The following BMX variants were observed in gnomAD, a reference collection of about 807,000 sequenced individuals.
BMX encodes the protein BMX non-receptor tyrosine kinase.
A neutral mutation model predicts 59.2 loss-of-function variants in BMX; 31 were observed. The observed-to-expected ratio is 0.52, with a 90% CI of 0.39 to 0.71. The LOEUF is 0.71. Among genes scored for constraint, BMX ranks in the 30% least tolerant of loss-of-function variants. The probability of loss-of-function intolerance (pLI) is 0.00; values close to 1 mark genes in which losing one functional copy is unlikely to be tolerated. For synonymous variants in BMX, 185 were observed against 181.0 expected, an observed-to-expected ratio of 1.02 and a Z score of -0.18; for missense variants, 474 against 491.7, an observed-to-expected ratio of 0.96 and a Z score of 0.34.
rs758676757 is a variant in BMX, at chrX:15,546,857, G to A, written c.1731G>A (p.Lys577=). 3.3e-6 allele frequency: 4 copies of A among 1,211,253 alleles called. No homozygotes were observed. The change falls in exon 17 of 19, where the codon AAG becomes AAA. Residue 577 remains lysine, a synonymous_variant. Transcript: ENST00000348343. The part of the protein sequence containing the change: ...VSSVGTKFPV[K]WSAPEVFHYF... ...CAGTCGGAACAAAGTTTCCAGTCAA[G>A]TGGTCAGCTCCAGAGGTGTTTCATT...
At chrX:15,501,407 G>A (rs1243563922) in intron 1 of BMX, among the ~76,000 whole-genome samples, 1 of 112,195 alleles carries the variant, frequency 8.9e-6, no homozygotes, top group African/African-American at 3.2e-5. Context: ...TTGCTCTTAG[G>A]TTCCTGAGGT....
intron 16 of BMX, among the ~76,000 whole-genome samples, chrX:15,546,311 A>G (rs1925942373): frequency 8.9e-6 from 1 of 111,944 alleles, no homozygotes; most frequent in South Asian, 3.7e-4. Context: ...CTTCCATAAG[A>G]AGAAATAATA....
At chrX:15,541,685 A>C (rs1182226022) in intron 14 of BMX, among the ~76,000 whole-genome samples, 1 of 111,622 alleles carries the variant, frequency 9.0e-6, no homozygotes, top group African/African-American at 3.3e-5. Context: ...CAGGGTTTCC[A>C]GTGCAACAGA....
intron 6 of BMX, among the ~76,000 whole-genome samples, chrX:15,519,922 C>T (rs868248795): frequency 2.7e-5 from 3 of 111,846 alleles, no homozygotes; most frequent in Middle Eastern, 4.6e-3. Context: ...ATGAGGGATT[C>T]GCCCCTATGA....
chrX:15,503,915 T>C (rs1193392844), intron 1 of BMX, among the ~76,000 whole-genome samples: 3 of 111,723 alleles, frequency 2.7e-5, no homozygotes, highest in African/African-American at 9.8e-5. Context: ...GCTGGGAGTA[T>C]CACAAAATAT....
intron 18 of BMX, among the ~76,000 whole-genome samples, chrX:15,552,239 T>C (rs1398259950): frequency 8.9e-5 from 10 of 112,243 alleles, no homozygotes; most frequent in Non-Finnish European, 1.9e-5. Flanking sequence ...TCTGTAAAAA[T>C]TTAAAGTAAG....
chrX:15,542,243 G>A (rs1483696005), intron 15 of BMX, 45 bp downstream of exon 15: 3 of 1,149,424 alleles, frequency 2.6e-6, no homozygotes, highest in Non-Finnish European at 3.6e-6. Context: ...AGCAGTCCAC[G>A]GCTCCCACTT....
chrX:15,528,718 C>T (rs1924920365), intron 9 of BMX, among the ~76,000 whole-genome samples: 1 of 111,724 alleles, frequency 9.0e-6, no homozygotes, highest in South Asian at 3.7e-4. Context: ...TCATTGAATA[C>T]TGAAATATTA....
intron 14 of BMX, 75 bp from the exon 15 acceptor site, chrX:15,541,907 T>C: frequency 1.0e-6 from 1 of 957,749 alleles, no homozygotes; most frequent in South Asian, 2.1e-5. Context: ...AACAGAAATC[T>C]GAGAGCAACT....
rs370195153 is a variant in BMX at position 15,531,445 on chromosome X, C to T, written c.1019+38C>T. ...CGGATTAATTTCTTTTCTCTTTCTG[C>T]GTATATTCTTTGAATATGCTGGTCA... On this transcript the variant is annotated intron_variant, in intron 11 of 18. Transcript: ENST00000348343. The T allele has an allele frequency of 8.5e-6, 9 of 1,059,064 alleles. No homozygotes were observed. The African/African-American group carries it at 9.3e-5, about 11-fold the overall frequency. 87.3% of individuals were successfully genotyped at this position (1,059,064 alleles called of 1,213,427 possible).
chrX:15,509,309 C>A lies in BMX; in HGVS notation c.139-20C>A, dbSNP rs1302194491. 2 of 1,160,645 alleles carry A rather than the reference C, an allele frequency of 1.7e-6. No homozygotes were observed. ...ATGATGTATTGCAGGAAGTATCTTACATTTTGTTTTTTAATTCAGAAAAGG... is the reference window on the plus strand; with the variant it reads ...ATGATGTATTGCAGGAAGTATCTTAAATTTTGTTTTTTAATTCAGAAAAGG... On this transcript the variant is annotated intron_variant, in intron 2 of 18. Transcript: ENST00000348343.
chrX:15,537,192 G>A lies in BMX; in HGVS notation c.1281G>A (p.Gln427=). 1.7e-6 allele frequency: 2 copies of A among 1,210,855 alleles called. No individual in the cohort carries two copies. The highest frequency in any genetic ancestry group is 2.2e-6 in the Non-Finnish European group (2 of 895,159). Residue 427 remains glutamine (Q), a synonymous_variant, in exon 14 of 19, where the codon CAG becomes CAA. Transcript: ENST00000348343. ...ITLLKELGSG[Q]FGVVQLGKWK... is the part of the protein sequence containing the mutation. ...TGTTGAAGGAGCTGGGAAGTGGCCA[G>A]TTTGGAGTGGTCCAGCTGGGCAAGT...
chrX:15,521,020 C>T (rs921767557), intron 6 of BMX, among the ~76,000 whole-genome samples: 6 of 106,451 alleles, frequency 5.6e-5, no homozygotes, highest in East Asian at 2.8e-4. Context: ...CTGTCACACA[C>T]GCACACACAG....
In BMX at chrX:15,511,427, T is replaced by C; in HGVS notation, c.244-10T>C. 1 of 1,186,905 alleles carries C rather than the reference T, an allele frequency of 8.4e-7. No homozygotes were observed. Among genetic ancestry groups the C allele is most frequent in the African/African-American group, 1.8e-5 (1 of 56,899 alleles). ...TTATATATAAACACACCAAATATTT[T>C]CCTTTCCAGATTGTCTATAAAGATG... On this transcript the variant is annotated splice_polypyrimidine_tract_variant and intron_variant, in intron 3 of 18. Coordinates refer to ENST00000348343, the MANE Select transcript of BMX (RefSeq NM_203281.3).
intron 4 of BMX, among the ~76,000 whole-genome samples, chrX:15,515,263 C>T (rs904039434): frequency 1.8e-5 from 2 of 109,438 alleles, no homozygotes; most frequent in African/African-American, 6.7e-5. Context: ...GCACATGTAT[C>T]CCTATGTAAC....
intron 18 of BMX, 121 bp downstream of exon 18, chrX:15,550,118 G>A (rs1926122431): frequency 2.3e-6 from 2 of 857,832 alleles, no homozygotes; most frequent in African/African-American, 2.0e-5. Context: ...GGAGAGAATG[G>A]TCCTCAGCCC....
intron 14 of BMX, among the ~76,000 whole-genome samples, chrX:15,537,736 G>T (rs996526202): frequency 9.0e-6 from 1 of 111,098 alleles, no homozygotes; most frequent in Admixed American, 9.5e-5. Flanking sequence ...AATGATCTTG[G>T]CTAGGGGTAG....
intron 14 of BMX, among the ~76,000 whole-genome samples, chrX:15,537,597 C>A (rs1218699938): frequency 9.0e-6 from 1 of 111,466 alleles, no homozygotes; most frequent in Non-Finnish European, 1.9e-5. Flanking sequence ...CAAACTCCAC[C>A]CCTCCTGCTT....
rs186661734 is a variant in BMX at position 15,519,271 on chromosome X, C to A, written c.510+1278C>A. Among the ~76,000 whole-genome samples, 5 of 112,052 alleles carry A rather than the reference C, an allele frequency of 4.5e-5. No individual in the cohort carries two copies. The East Asian group carries it at 1.4e-3, about 31-fold the overall frequency. On this transcript the variant is annotated intron_variant, in intron 6 of 18. Transcript: ENST00000348343. Reference sequence around the variant, plus strand: ...TTATTTTCAGCTACACACATTCGCACACACTTCTCTCTTTCTAAGTAAAAG... The same window carrying A: ...TTATTTTCAGCTACACACATTCGCAAACACTTCTCTCTTTCTAAGTAAAAG...
Sources: gnomAD v4.1 joint callset for allele counts (sites outside exome capture counted in the v4.1 genomes callset) on GRCh38, gnomAD v4.1.1 for gene constraint, MANE v1.5 for transcripts, NCBI Gene and HGNC (gene_info 2026-07-23, HGNC 2026-07-21) for gene names.